The following DALRD3 variants were observed in gnomAD, a reference collection of about 807,000 sequenced individuals.
DALRD3 encodes DALR anticodon-binding domain-containing protein 3.
Under a neutral mutation model 56.7 loss-of-function variants are expected in DALRD3, and 47 were observed. The ratio of observed to expected loss-of-function variants is 0.83; its 90% CI spans 0.66 to 1.06. The LOEUF is 1.06. DALRD3 is among the 50% of genes least tolerant of loss of function. The pLI is 0.00. For missense variants in DALRD3, 787 were observed against 724.0 expected (o/e 1.09, Z -1.00); for synonymous variants, 347 against 308.5 (o/e 1.12, Z -1.31).
upstream of DALRD3, chr3:49,020,830 G>A (rs1382770310): frequency 8.5e-6 from 3 of 351,824 alleles, no homozygotes; most frequent in African/African-American, 6.4e-5. Flanking sequence ...GAGTCTAGAG[G>A]GAACAAGACG....
intron 5 of DALRD3, 150 bp downstream of exon 5, chr3:49,017,078 C>T (rs931997792): frequency 1.8e-6 from 2 of 1,135,862 alleles, no homozygotes; most frequent in South Asian, 1.5e-5. Flanking sequence ...AGAGCCTCTG[C>T]ACCTGCTGTA....
chr3:49,017,301 C>G lies in DALRD3; in HGVS notation c.854G>C (p.Cys285Ser). The G allele has an allele frequency of 6.2e-7, 1 of 1,614,236 alleles. No homozygotes were observed. Among genetic ancestry groups the G allele is most frequent in the Non-Finnish European group, 8.5e-7 (1 of 1,180,038 alleles). Residue 285 changes from cysteine to serine, a missense_variant, in exon 5 of 12, where the codon TGT becomes TCT. Transcript: ENST00000341949. The stretch of plus-strand genomic sequence containing the variant: ...CTTCTGTTGCTGGAACTCCTCCTCA[C>G]AGCTAACAACATGTACAACCAGGCA... ...GGCLVVHVVS[C>S]EEEFQQQKLD...
At chr3:49,021,390 C>T (rs1474313567), upstream of DALRD3, 1 of 152,792 alleles carries the variant, frequency 6.5e-6, no homozygotes, top group South Asian at 2.0e-4. This position sits in a 1 kb window ranked among gnomAD's most constrained non-coding sequence, Gnocchi z 4.1. Context: ...GCAGAGTGAA[C>T]GAGGACAAGG....
upstream of DALRD3, chr3:49,018,671 G>A (rs924678047): frequency 7.3e-5 from 105 of 1,430,714 alleles, no homozygotes; most frequent in Non-Finnish European, 8.8e-5. Context: ...CCCGTAAGTG[G>A]ACAGGTGCGC....
chr3:49,015,729 G>A (rs768288881), intron 11 of DALRD3, 22 bp from the exon 12 acceptor site: 1 of 1,613,990 alleles, frequency 6.2e-7, no homozygotes, highest in Admixed American at 1.7e-5. Context: ...AGGGCCTGCT[G>A]GTCTCATCCT....
upstream of DALRD3, chr3:49,020,506 T>C: frequency 2.4e-6 from 1 of 415,544 alleles, no homozygotes; most frequent in Non-Finnish European, 5.1e-6. Flanking sequence ...CTCCCACGTC[T>C]ACACCCATCA....
Position 49,017,592 on chromosome 3 carries a change from CT to C in DALRD3, c.718+20del. 6.2e-7 allele frequency: 1 copy of C among 1,614,024 alleles called. No homozygotes were observed. The highest frequency in any genetic ancestry group is 8.5e-7 in the Non-Finnish European group (1 of 1,179,926). On this transcript the variant is annotated intron_variant, in intron 3 of 11. Transcript: ENST00000341949. Reference sequence around the variant, plus strand: ...TAACCCCCTCCTGCCTTTTCTGGCCCTGCTAGGCTTCAGGTCCTACCCAGAC... The same window carrying C: ...TAACCCCCTCCTGCCTTTTCTGGCCCGCTAGGCTTCAGGTCCTACCCAGAC...
chr3:49,015,915 G>A, intron 10 of DALRD3, 43 bp from the exon 11 acceptor site: 3 of 1,614,158 alleles, frequency 1.9e-6, no homozygotes, highest in Non-Finnish European at 2.5e-6. Context: ...CTTTGCTCTT[G>A]TGCCCCAGGC....
upstream of DALRD3, chr3:49,020,374 G>C: frequency 2.4e-6 from 1 of 424,476 alleles, no homozygotes; most frequent in Non-Finnish European, 5.0e-6. Flanking sequence ...TATCTTTAGC[G>C]AGATGCGGGC....
chr3:49,018,716 G>A (rs2093124779), upstream of DALRD3: 9 of 1,396,264 alleles, frequency 6.4e-6, no homozygotes, highest in Non-Finnish European at 8.3e-6. Context: ...TCGACCTACC[G>A]CCCCCAGCGC....
rs754608438 is a variant in DALRD3, at chr3:49,018,416, C to A, written c.149G>T (p.Arg50Leu). 4 of 1,575,108 alleles carry A rather than the reference C, an allele frequency of 2.5e-6. No individual in the cohort carries two copies. Among genetic ancestry groups the A allele is most frequent in the East Asian group, 2.4e-5 (1 of 42,526 alleles). The change falls in exon 1 of 12, where the codon CGC becomes CTC. Residue 50 changes from arginine (R) to leucine (L), a missense_variant. Physicochemically the swap from Arg to Leu is moderately radical, Grantham distance 102 (BLOSUM62 -2). Transcript: ENST00000341949. ...FLAPHRALQA[R>L]FDDGQVPEHL... Reference sequence around the variant, plus strand: ...CACGCCCACCTGGCCGTCATCGAAGCGCGCCTGCAGCGCGCGGTGCGGTGC... The same window carrying A: ...CACGCCCACCTGGCCGTCATCGAAGAGCGCCTGCAGCGCGCGGTGCGGTGC...
rs770252356 is a variant in DALRD3, at chr3:49,016,757, C to T, written c.1001+17G>A. 4 of 1,614,032 alleles carry T rather than the reference C, an allele frequency of 2.5e-6. No individual in the cohort carries two copies. Among genetic ancestry groups the T allele is most frequent in the Middle Eastern group, 1.6e-4 (1 of 6,084 alleles). On this transcript the variant is annotated intron_variant, in intron 6 of 11. Transcript: ENST00000341949. ...ATTACCCTGGCTTAGGTTGGTGTTC[C>T]TCCCAGCCTCACTCACTCGTAGTAC...
At position 49,018,284 on chromosome 3, in the gene DALRD3, A is replaced by T; in HGVS notation, c.200T>A (p.Leu67Gln). ...CACCGGGGCCACACCGGGGCCCTGC[A>T]GGCAGGCGAGGGCATGGAGCAAATG... is the stretch of plus-strand genomic sequence containing the variant. ...PEHLLHALACLQGPGVAPVLR... is the reference protein window; with the variant it reads ...PEHLLHALACQQGPGVAPVLR... The change falls in exon 2 of 12, where the codon CTG (leucine) becomes CAG (glutamine). Residue 67 changes from leucine (L) to glutamine (Q), a missense_variant. Physicochemically the swap from Leu to Gln is moderately radical, Grantham distance 113 (BLOSUM62 -2). Coordinates refer to ENST00000341949, the MANE Select transcript of DALRD3 (RefSeq NM_001009996.3). 6.9e-7 allele frequency: 1 copy of T among 1,449,128 alleles called. No individual in the cohort carries two copies. Among genetic ancestry groups the T allele is most frequent in the Non-Finnish European group, 9.0e-7 (1 of 1,108,620 alleles). 89.8% of individuals were successfully genotyped at this position (1,449,128 alleles called of 1,614,324 possible). A position where few individuals can be genotyped will look rare whatever the true frequency, so the allele number is the denominator to read the frequency against.
rs1326121817 is a variant in DALRD3 at position 49,017,701 on chromosome 3, A to G, written c.630T>C (p.Pro210=). 1.2e-6 allele frequency: 2 copies of G among 1,614,154 alleles called. No individual in the cohort carries two copies. Among genetic ancestry groups the G allele is most frequent in the South Asian group, 1.1e-5 (1 of 91,090 alleles). The change falls in exon 3 of 12, where the codon CCT becomes CCC. Residue 210 remains proline, a synonymous_variant. Coordinates refer to ENST00000341949, the MANE Select transcript of DALRD3 (RefSeq NM_001009996.3). The part of the protein sequence containing the change: ...TSANDGRTLS[P]GILGRLCLKE... ...TCAGACACAGTCTGCCTAGGATGCCAGGGGACAGTGTCCTCCCGTCATTAG... is the reference window on the plus strand; with the variant it reads ...TCAGACACAGTCTGCCTAGGATGCCGGGGGACAGTGTCCTCCCGTCATTAG...
Position 49,018,530 on chromosome 3 carries a change from A to C in DALRD3, c.35T>G (p.Leu12Arg), listed in dbSNP as rs947421816. 3 of 1,583,554 alleles carry C rather than the reference A, an allele frequency of 1.9e-6. No homozygotes were observed. Among genetic ancestry groups the C allele is most frequent in the Non-Finnish European group, 2.6e-6 (3 of 1,164,990 alleles). The change falls in exon 1 of 12, where the codon CTG (leucine) becomes CGG (arginine). Residue 12 changes from leucine (L) to arginine (R), a missense_variant. By Grantham distance (102) the Leu-to-Arg change is moderately radical. Coordinates refer to ENST00000341949, the MANE Select transcript of DALRD3 (RefSeq NM_001009996.3). ...ATRRLGVGETLGALNAALGPG... is the reference protein window; with the variant it reads ...ATRRLGVGETRGALNAALGPG... ...CCCCAGGGCCGCGTTGAGGGCCCCCAGCGTCTCCCCGACCCCAAGGCGCCT... is the reference window on the plus strand; with the variant it reads ...CCCCAGGGCCGCGTTGAGGGCCCCCCGCGTCTCCCCGACCCCAAGGCGCCT...
At chr3:49,020,724 G>T (rs551359883), upstream of DALRD3, 3 of 476,094 alleles carry the variant, frequency 6.3e-6, no homozygotes, top group East Asian at 6.5e-5. Context: ...CGGGGGGCGG[G>T]GGAGCTCCTG....
chr3:49,019,196 C>T (rs868290587), upstream of DALRD3: 2 of 233,750 alleles, frequency 8.6e-6, no homozygotes, highest in Non-Finnish European at 1.4e-5. Flanking sequence ...CCTCAGCCTC[C>T]CGAGTAGCTG....
In DALRD3 at chr3:49,017,669, A is replaced by G. The variant is rs779982352; in HGVS notation, c.662T>C (p.Leu221Pro). The change falls in exon 3 of 12, where the codon CTG becomes CCG. Residue 221 changes from leucine (L) to proline (P), a missense_variant. Physicochemically the swap from Leu to Pro is moderately conservative, Grantham distance 98 (BLOSUM62 -3). Coordinates refer to ENST00000341949, the MANE Select transcript of DALRD3 (RefSeq NM_001009996.3). ...AGCTGTGCGGCCCTGTTCTTCCACC[A>G]GCTCCTTCAGACACAGTCTGCCTAG... ...GILGRLCLKE[L>P]VEEQGRTAGY... 12 of 1,614,090 alleles carry G rather than the reference A, an allele frequency of 7.4e-6. No homozygotes were observed. The highest frequency in any genetic ancestry group is 1.6e-4 in the Middle Eastern group (1 of 6,084).
At chr3:49,020,244 G>A (rs1270304189), upstream of DALRD3, 1 of 534,366 alleles carries the variant, frequency 1.9e-6, no homozygotes, top group African/African-American at 1.9e-5. Context: ...CCATTCTGAA[G>A]GTGCATGACC....
Sources: allele counts gnomAD v4.1 joint callset, GRCh38; gene constraint gnomAD v4.1.1; non-coding constraint Gnocchi (gnomAD v3.1); transcripts MANE v1.5; gene names NCBI Gene and HGNC (gene_info 2026-07-23, HGNC 2026-07-21).